Variants in PDE8A observed in about 807,000 individuals in gnomAD.
PDE8A encodes the protein high affinity cAMP-specific and IBMX-insensitive 3',5'-cyclic phosphodiesterase 8A.
Under a neutral mutation model 105.0 loss-of-function variants are expected in PDE8A, and 59 were observed. The ratio of observed to expected loss-of-function variants is 0.56; its 90% confidence interval spans 0.46 to 0.70. The LOEUF (loss-of-function observed/expected upper bound fraction) is 0.70. Among genes scored for constraint, PDE8A ranks in the 30% least tolerant of loss-of-function variants. PDE8A has a pLI of 0.00. For missense variants in PDE8A, 1,014 were observed against 1,045.9 expected, an observed-to-expected ratio of 0.97 and a Z score of 0.42; for synonymous variants, 355 against 371.9, an observed-to-expected ratio of 0.95 and a Z score of 0.52.
At chr15:85,046,955 A>G (rs12900012) in intron 1 of PDE8A, among the ~76,000 whole-genome samples, 32,920 of 152,174 alleles carry the variant, frequency 0.22, 4,411 homozygotes, top group Middle Eastern at 0.34. Flanking sequence ...ACACCATCAT[A>G]TTGTCTGATA....
intron 16 of PDE8A, 112 bp from the exon 17 acceptor site, chr15:85,117,529 C>A: frequency 2.3e-6 from 2 of 862,008 alleles, no homozygotes; most frequent in Non-Finnish European, 1.9e-6. Context: ...AAGCAATCTC[C>A]ACTTTGCTGC....
intron 18 of PDE8A, among the ~76,000 whole-genome samples, chr15:85,122,384 G>A (rs1424212523): frequency 1.3e-5 from 2 of 152,180 alleles, no homozygotes; most frequent in Non-Finnish European, 2.9e-5. Flanking sequence ...TTTTAAAGAA[G>A]AGGATTTTTG....
intron 1 of PDE8A, among the ~76,000 whole-genome samples, chr15:85,042,251 A>T (rs2080821612): frequency 6.6e-6 from 1 of 152,046 alleles, no homozygotes. Context: ...ATAATAGCTC[A>T]CTGCAGCCTC....
intron 20 of PDE8A, among the ~76,000 whole-genome samples, chr15:85,128,372 G>A (rs553676068): frequency 2.0e-5 from 3 of 152,252 alleles, no homozygotes; most frequent in Admixed American, 2.0e-4. Context: ...AGTTGCCTGT[G>A]GTGGTGGCAC....
intron 20 of PDE8A, among the ~76,000 whole-genome samples, chr15:85,128,565 G>A (rs771558063): frequency 2.0e-5 from 3 of 152,104 alleles, no homozygotes; most frequent in South Asian, 4.1e-4. Context: ...AATTTACAAA[G>A]TTTGCTCATT....
intron 6 of PDE8A, among the ~76,000 whole-genome samples, chr15:85,088,409 A>T (rs1259014113): frequency 6.6e-6 from 1 of 152,240 alleles, no homozygotes; most frequent in Non-Finnish European, 1.5e-5. Context: ...ACGGTTTTCA[A>T]GGTTCATTCA....
At chr15:85,005,769 A>C (rs2080136639) in intron 1 of PDE8A, among the ~76,000 whole-genome samples, 2 of 152,144 alleles carry the variant, frequency 1.3e-5, no homozygotes, top group South Asian at 4.1e-4. Context: ...CAGCATTAGG[A>C]CTGCCCTCTC....
intron 1 of PDE8A, among the ~76,000 whole-genome samples, chr15:84,988,940 C>T (rs1239729564): frequency 1.3e-5 from 2 of 152,346 alleles, no homozygotes; most frequent in South Asian, 2.1e-4. Context: ...TCATGTTCCA[C>T]GAGTCTATCT....
intron 1 of PDE8A, among the ~76,000 whole-genome samples, chr15:85,039,870 T>G (rs1000775872): frequency 6.6e-6 from 1 of 152,196 alleles, no homozygotes; most frequent in African/African-American, 2.4e-5. Context: ...ATTTCACTTA[T>G]GTGGAATATA....
chr15:85,004,150 A>G (rs994484584), intron 1 of PDE8A, among the ~76,000 whole-genome samples: 1 of 152,208 alleles, frequency 6.6e-6, no homozygotes, highest in Admixed American at 6.5e-5. Context: ...CCTCTGCCAC[A>G]GCTTCTTTGG....
rs115485252 is a variant in PDE8A, at chr15:85,116,489, G to T, written c.1535+370G>T. ...AACACATACACATGTGATAAGAGCT[G>T]CTCCCAGCTTTTGGTTGTTCTGTTG... On this transcript the variant is annotated intron_variant, in intron 16 of 21. Transcript: ENST00000394553. Among the ~76,000 whole-genome samples, 157 of 152,354 alleles carry T rather than the reference G, an allele frequency of 1.0e-3. 1 individual carries two copies. Among genetic ancestry groups the T allele is most frequent in the African/African-American group, 3.7e-3 (153 of 41,586 alleles).
Position 85,000,260 on chromosome 15 carries a change from G to A in PDE8A, c.186+17912G>A, listed in dbSNP as rs181544898. On this transcript the variant is annotated intron_variant, in intron 1 of 21. Transcript: ENST00000394553. ...CAGAATTTTGTTTTCTCACCAGTGG[G>A]TCACTGGAGAAGGAAGCTGTGTTAT... Among the ~76,000 whole-genome samples the A allele has an allele frequency of 3.3e-5, 5 of 152,314 alleles. No homozygotes were observed. In the East Asian group the frequency reaches 5.8e-4, roughly 18 times the overall value.
chr15:85,015,817 A>G (rs1192948693), intron 1 of PDE8A, among the ~76,000 whole-genome samples: 1 of 151,370 alleles, frequency 6.6e-6, no homozygotes, highest in African/African-American at 2.4e-5. Context: ...TATTCTTTCC[A>G]TTTCTTTATT....
chr15:85,044,101 T>C (rs1226706322), intron 1 of PDE8A, among the ~76,000 whole-genome samples: 2 of 152,228 alleles, frequency 1.3e-5, no homozygotes, highest in Non-Finnish European at 2.9e-5. Context: ...AAAAGCTTCT[T>C]GGAAAATATT....
chr15:85,038,722 A>T (rs192666668), intron 1 of PDE8A, among the ~76,000 whole-genome samples: 8 of 152,250 alleles, frequency 5.3e-5, no homozygotes, highest in African/African-American at 1.9e-4. Context: ...GATGGCTAAC[A>T]GATAAATGGA....
At chr15:85,117,894 A>G in intron 17 of PDE8A, 55 bp downstream of exon 17, 2 of 1,368,052 alleles carry the variant, frequency 1.5e-6, no homozygotes, top group South Asian at 1.2e-5. Context: ...GGGAGAGTCT[A>G]GTGCTTCTGC....
intron 16 of PDE8A, 71 bp downstream of exon 16, chr15:85,116,190 A>T: frequency 6.6e-7 from 1 of 1,507,772 alleles, no homozygotes; most frequent in Admixed American, 1.8e-5. Context: ...CTACCTGAGG[A>T]GTATGGATTG....
At position 85,136,563 on chromosome 15, in the gene PDE8A, T is replaced by G; in HGVS notation, c.2283T>G (p.Pro761=). The change falls in exon 21 of 22, where the codon CCT becomes CCG. Residue 761 remains proline (P), a synonymous_variant. Transcript: ENST00000394553. ...ATGAAGAGAAGCAGCAGGGCTTACC[T>G]GTGGTGATGCCAGTGTTTGACAGAA... ...QTDEEKQQGL[P]VVMPVFDRNT... is the part of the protein sequence containing the mutation. 6.2e-7 allele frequency: 1 copy of G among 1,613,868 alleles called. No homozygotes were observed. The highest frequency in any genetic ancestry group is 8.5e-7 in the Non-Finnish European group (1 of 1,179,824).
chr15:85,131,032 C>T (rs912887462), intron 20 of PDE8A, among the ~76,000 whole-genome samples: 1 of 152,200 alleles, frequency 6.6e-6, no homozygotes, highest in African/African-American at 2.4e-5. Context: ...GCTGAGATTA[C>T]AGGCCTGAGC....
Sources: allele counts gnomAD v4.1 joint callset (sites outside exome capture counted in the v4.1 genomes callset), GRCh38; gene constraint gnomAD v4.1.1; transcripts MANE v1.5; gene names NCBI Gene and HGNC (gene_info 2026-07-23, HGNC 2026-07-21).